Variants in ASS1 observed in about 807,000 individuals in gnomAD.
ASS1 encodes the protein argininosuccinate synthase 1.
Under a neutral mutation model 60.5 loss-of-function variants are expected in ASS1, and 58 were observed. The ratio of observed to expected loss-of-function variants is 0.96; its 90% CI spans 0.78 to 1.19. The LOEUF is 1.19. Among genes scored for constraint, ASS1 ranks in the 50% most tolerant of loss-of-function variants. ASS1 has a pLI of 0.00. For missense variants in ASS1, 454 were observed against 547.3 expected, an observed-to-expected ratio of 0.83 and a Z score of 1.70; for synonymous variants, 200 against 206.9, an observed-to-expected ratio of 0.97 and a Z score of 0.29.
At chr9:130,480,821 C>T (rs142164126) in intron 11 of ASS1, among the ~76,000 whole-genome samples, 59 of 152,274 alleles carry the variant, frequency 3.9e-4, no homozygotes, top group African/African-American at 1.3e-3. Flanking sequence ...TCATTAAGGC[C>T]GCATGGAGGC....
At chr9:130,450,493 C>T (rs1023169563) in intron 1 of ASS1, among the ~76,000 whole-genome samples, 1 of 152,210 alleles carries the variant, frequency 6.6e-6, no homozygotes, top group Non-Finnish European at 1.5e-5. Context: ...GGTTGAATGC[C>T]CAGTAGGGAC....
chr9:130,458,632 G>C (rs1404576741), intron 4 of ASS1, 43 bp downstream of exon 4: 1 of 1,595,630 alleles, frequency 6.3e-7, no homozygotes, highest in Admixed American at 1.7e-5. Context: ...GATGGAGGCG[G>C]AGGGGTGTGG....
chr9:130,499,343 T>C (rs1456561096), intron 13 of ASS1, among the ~76,000 whole-genome samples, 162 bp from the exon 14 acceptor site: 9 of 152,164 alleles, frequency 5.9e-5, no homozygotes, highest in Non-Finnish European at 1.3e-4. Flanking sequence ...CCCTGAGTTG[T>C]ACAGAAATTC....
chr9:130,483,819 C>A (rs893596748), intron 11 of ASS1, among the ~76,000 whole-genome samples: 1 of 151,732 alleles, frequency 6.6e-6, no homozygotes, highest in Non-Finnish European at 1.5e-5. Context: ...TCCTTCCCCT[C>A]TTCCCTCCCT....
chr9:130,480,333 ACT>A, intron 10 of ASS1, 50 bp from the exon 11 acceptor site: 2 of 1,607,712 alleles, frequency 1.2e-6, no homozygotes, highest in African/African-American at 1.3e-5. Flanking sequence ...TGGGTGGGTG[ACT>A]CTGAGCCTTG....
intron 14 of ASS1, among the ~76,000 whole-genome samples, chr9:130,500,552 T>G (rs1846725972): frequency 6.6e-6 from 1 of 152,048 alleles, no homozygotes; most frequent in African/African-American, 2.4e-5. Context: ...TGGAGGCACC[T>G]CATGCCCCGA....
chr9:130,465,188 A>G (rs760248358), intron 5 of ASS1, among the ~76,000 whole-genome samples: 5 of 151,912 alleles, frequency 3.3e-5, no homozygotes, highest in African/African-American at 4.8e-5. Context: ...AACTGGGACT[A>G]TAGGCATGCG....
Position 130,478,444 on chromosome 9 carries a change from C to T in ASS1, c.689-1272C>T, listed in dbSNP as rs528472632. Among the ~76,000 whole-genome samples, 5 of 152,242 alleles carry T rather than the reference C, an allele frequency of 3.3e-5. No individual in the cohort carries two copies. Among genetic ancestry groups the T allele is most frequent in the African/African-American group, 7.2e-5 (3 of 41,546 alleles). On this transcript the variant is annotated intron_variant, in intron 9 of 14. Transcript: ENST00000352480. The surrounding 1 kb of genome is among the most constrained non-coding windows in gnomAD (Gnocchi z 4.7). ...CCCTGCCCGAGGACCAGGGCAGCTCCGCAGGCTGAGCTGGAGAAGAAACGT... is the reference window on the plus strand; with the variant it reads ...CCCTGCCCGAGGACCAGGGCAGCTCTGCAGGCTGAGCTGGAGAAGAAACGT...
At chr9:130,451,290 C>T (rs1845319253) in intron 1 of ASS1, among the ~76,000 whole-genome samples, 2 of 127,144 alleles carry the variant, frequency 1.6e-5, no homozygotes, top group African/African-American at 5.5e-5. Flanking sequence ...CACTTCCCGG[C>T]TGCAGAGGGC....
At chr9:130,479,172 C>T (rs1846100623) in intron 9 of ASS1, among the ~76,000 whole-genome samples, 1 of 152,096 alleles carries the variant, frequency 6.6e-6, no homozygotes, top group Non-Finnish European at 1.5e-5. Flanking sequence ...CTGCCGACAC[C>T]TCGCCTGCTG....
At position 130,479,741 on chromosome 9, in the gene ASS1, C is replaced by T. The variant is rs1252459333; in HGVS notation, c.714C>T (p.Val238=). Residue 238 remains valine (V), a synonymous_variant, in exon 10 of 15, where the codon GTC becomes GTT. Transcript: ENST00000352480. ...KKGVPVKVTN[V]KDGTTHQTSL... is the part of the protein sequence containing the mutation. The stretch of plus-strand genomic sequence containing the variant: ...GGGTCCCTGTGAAGGTGACCAACGT[C>T]AAGGATGGCACCACCCACCAGACCT... 1 of 1,614,192 alleles carries T rather than the reference C, an allele frequency of 6.2e-7. No individual in the cohort carries two copies. Among genetic ancestry groups the T allele is most frequent in the East Asian group, 2.2e-5 (1 of 44,884 alleles).
At chr9:130,465,026 C>T (rs1845693710) in intron 5 of ASS1, among the ~76,000 whole-genome samples, 1 of 143,876 alleles carries the variant, frequency 7.0e-6, no homozygotes, top group Non-Finnish European at 1.5e-5. Context: ...CATATAAATA[C>T]ATATGTTTTA....
intron 5 of ASS1, 30 bp from the exon 6 acceptor site, chr9:130,466,695 C>T (rs1845751172): frequency 6.2e-7 from 1 of 1,609,604 alleles, no homozygotes; most frequent in African/African-American, 1.3e-5. Context: ...GCTCGGCCCT[C>T]CCGGCTCTGA....
rs751224304 is a variant in ASS1, at chr9:130,494,264, TC to T, written c.971-601del. On this transcript the variant is annotated intron_variant, in intron 12 of 14. Transcript: ENST00000352480. This position sits in a 1 kb window ranked among gnomAD's most constrained non-coding sequence, Gnocchi z 4.3. ...CCAAGGGGTGGGCTCTGGCCAGGACTCCAGTTCACAGTAGCCCCTAAGGCTG... is the reference window on the plus strand; with the variant it reads ...CCAAGGGGTGGGCTCTGGCCAGGACTCAGTTCACAGTAGCCCCTAAGGCTG... Among the ~76,000 whole-genome samples the T allele has an allele frequency of 1.4e-4, 22 of 152,340 alleles. No individual in the cohort carries two copies. The highest frequency in any genetic ancestry group is 3.9e-4 in the Admixed American group (6 of 15,302).
chr9:130,448,272 C>T (rs1240335459), intron 1 of ASS1, among the ~76,000 whole-genome samples: 1 of 152,112 alleles, frequency 6.6e-6, no homozygotes, highest in Non-Finnish European at 1.5e-5. Flanking sequence ...CAGCTCATTT[C>T]TCTGCATGCA....
At chr9:130,465,374 A>G (rs1469119694) in intron 5 of ASS1, among the ~76,000 whole-genome samples, 1 of 152,242 alleles carries the variant, frequency 6.6e-6, no homozygotes, top group South Asian at 2.1e-4. Flanking sequence ...TTTTAATAAC[A>G]TGTTTTACCG....
At chr9:130,451,886 C>T in intron 1 of ASS1, 1 of 506,244 alleles carries the variant, frequency 2.0e-6, no homozygotes, top group South Asian at 1.5e-5. Context: ...GTGCATTCCT[C>T]ACATCCTGGC....
chr9:130,484,841 G>A lies in ASS1; in HGVS notation c.838+4392G>A, dbSNP rs531699912. Among the ~76,000 whole-genome samples the A allele has an allele frequency of 5.3e-5, 8 of 152,058 alleles. No individual in the cohort carries two copies. In the East Asian group the frequency reaches 9.7e-4, roughly 18 times the overall value. ...CACACACACACACACGTGCGCGCGC[G>A]CGCGTCGGCAGCAACCTAAAAACAA... On this transcript the variant is annotated intron_variant, in intron 11 of 14. Coordinates refer to ENST00000352480, the MANE Select transcript of ASS1 (RefSeq NM_054012.4).
At chr9:130,466,143 A>G (rs1845736090) in intron 5 of ASS1, among the ~76,000 whole-genome samples, 2 of 152,206 alleles carry the variant, frequency 1.3e-5, no homozygotes, top group African/African-American at 4.8e-5. Context: ...GCTCAGAGGC[A>G]GGGGCCTGGT....
Sources: gnomAD v4.1 joint callset for allele counts (sites outside exome capture counted in the v4.1 genomes callset) on GRCh38, gnomAD v4.1.1 for gene constraint, Gnocchi (gnomAD v3.1) non-coding constraint, MANE v1.5 for transcripts, NCBI Gene and HGNC (gene_info 2026-07-23, HGNC 2026-07-21) for gene names.